CCDC102A: variants seen among roughly 807,000 people sequenced by gnomAD.
The protein encoded by CCDC102A is coiled-coil domain-containing protein 102A.
A neutral mutation model predicts 55.5 loss-of-function variants in CCDC102A; 40 were observed. The observed-to-expected ratio is 0.72, with a 90% CI of 0.56 to 0.94. The LOEUF (loss-of-function observed/expected upper bound fraction) is 0.94. CCDC102A is among the 40% of genes least tolerant of loss of function. The pLI is 0.00. For synonymous variants in CCDC102A, 323 were observed against 339.0 expected (o/e 0.95, Z 0.52); for missense variants, 779 against 768.6 (o/e 1.01, Z -0.16).
Position 57,526,051 on chromosome 16 carries a change from C to T in CCDC102A, c.662G>A (p.Gly221Glu). 1 of 1,593,628 alleles carries T rather than the reference C, an allele frequency of 6.3e-7. No homozygotes were observed. Among genetic ancestry groups the T allele is most frequent in the Non-Finnish European group, 8.5e-7 (1 of 1,172,820 alleles). The change falls in exon 3 of 9, where the codon GGG becomes GAG. Residue 221 changes from glycine to glutamate, a missense_variant. By Grantham distance (98) the Gly-to-Glu change is moderately conservative (BLOSUM62 -2). Coordinates refer to ENST00000258214, the MANE Select transcript of CCDC102A (RefSeq NM_033212.4). ...SEDCWEARSL[G>E]AGGPRGSSGR... The stretch of plus-strand genomic sequence containing the variant: ...TGAGCTGCCCCGCGGGCCCCCAGCC[C>T]CCAGGCTGCGCGCCTCCCAGCAGTC...
In CCDC102A at chr16:57,521,147, T is replaced by C; in HGVS notation, c.842A>G (p.Glu281Gly). The C allele has an allele frequency of 6.2e-7, 1 of 1,613,470 alleles. No homozygotes were observed. The highest frequency in any genetic ancestry group is 1.3e-5 in the African/African-American group (1 of 74,998). The change falls in exon 4 of 9, where the codon GAG becomes GGG. Residue 281 changes from glutamate to glycine, a missense_variant. Glu to Gly is a moderately conservative substitution (Grantham distance 98). Transcript: ENST00000258214. ...CTGGCTGAGCTCCCCCTCTAGCTTC[T>C]CAATGTTCCTGCTCAACGCCAGTTT... ...EDKLALSRNI[E>G]KLEGELSQWK... is the part of the protein sequence containing the mutation.
intron 3 of CCDC102A, among the ~76,000 whole-genome samples, chr16:57,523,647 A>G (rs958745718): frequency 6.9e-6 from 1 of 145,636 alleles, no homozygotes; most frequent in Non-Finnish European, 1.5e-5. Context: ...TTCCCAGCTA[A>G]TTTTTTTTTT....
At chr16:57,518,300 G>T in intron 5 of CCDC102A, 23 bp from the exon 6 acceptor site, 1 of 1,602,122 alleles carries the variant, frequency 6.2e-7, no homozygotes, top group South Asian at 1.1e-5. Context: ...AGGGCAGAGT[G>T]AGGACTCCCA....
intron 4 of CCDC102A, among the ~76,000 whole-genome samples, chr16:57,519,426 G>A (rs959806667): frequency 3.9e-5 from 6 of 152,200 alleles, no homozygotes; most frequent in Non-Finnish European, 5.9e-5. Flanking sequence ...CCTTTGTGTC[G>A]TTGTATGGCC....
At chr16:57,522,183 A>G (rs1043590472) in intron 3 of CCDC102A, among the ~76,000 whole-genome samples, 3 of 152,210 alleles carry the variant, frequency 2.0e-5, no homozygotes, top group South Asian at 4.1e-4. Context: ...ACTAACATAC[A>G]CTGAATTTTC....
intron 6 of CCDC102A, among the ~76,000 whole-genome samples, chr16:57,517,633 T>G (rs2031977385): frequency 6.6e-6 from 1 of 152,218 alleles, no homozygotes; most frequent in Non-Finnish European, 1.5e-5. Context: ...TGTGTGCCAC[T>G]GCGCCTGGCT....
intron 1 of CCDC102A, among the ~76,000 whole-genome samples, chr16:57,532,753 T>A (rs557959073): frequency 1.3e-5 from 2 of 148,204 alleles, no homozygotes; most frequent in Non-Finnish European, 3.0e-5. Context: ...ACACACACAC[T>A]CCTCCTTTTC....
At chr16:57,517,284 T>A (rs1010294832) in intron 6 of CCDC102A, among the ~76,000 whole-genome samples, 4 of 152,128 alleles carry the variant, frequency 2.6e-5, no homozygotes, top group African/African-American at 9.7e-5. Context: ...CTTCTCTCCA[T>A]CCCCTCCCCT....
intron 8 of CCDC102A, among the ~76,000 whole-genome samples, chr16:57,514,602 G>T (rs1206823876): frequency 6.6e-6 from 1 of 152,206 alleles, no homozygotes; most frequent in Non-Finnish European, 1.5e-5. Flanking sequence ...GACACAGAGA[G>T]GTTAAATAAA....
chr16:57,526,104 C>T lies in CCDC102A; in HGVS notation c.609G>A (p.Leu203=), dbSNP rs757128092. 3.4e-5 allele frequency: 53 copies of T among 1,557,080 alleles called. No homozygotes were observed. The East Asian group carries it at 1.2e-3, about 35-fold the overall frequency. ...CAGACTCCTCTGGCATGCTCTTCAG[C>T]AGGCTCTCCACCAGCTCCAGTTCCT... ...GSQELELVES[L]LKSMPEESED... Residue 203 remains leucine (L), a synonymous_variant, in exon 3 of 9, where the codon CTG becomes CTA. Transcript: ENST00000258214.
intron 8 of CCDC102A, 79 bp from the exon 9 acceptor site, chr16:57,512,949 G>GC: frequency 7.7e-7 from 1 of 1,302,498 alleles, no homozygotes; most frequent in Non-Finnish European, 1.1e-6. Context: ...TGGTGCTGGA[G>GC]CAGTTAAGCC....
intron 1 of CCDC102A, among the ~76,000 whole-genome samples, chr16:57,533,308 G>A (rs1420448121): frequency 1.3e-5 from 2 of 152,014 alleles, no homozygotes; most frequent in Non-Finnish European, 2.9e-5. Context: ...GGTCCTCAGG[G>A]GAGTTTTCTG....
chr16:57,515,521 C>A (rs2031941273), intron 7 of CCDC102A, 77 bp from the exon 8 acceptor site: 1 of 865,102 alleles, frequency 1.2e-6, no homozygotes, highest in Non-Finnish European at 1.9e-6. Flanking sequence ...CAGGGAAAAC[C>A]ACTCCTGCTG....
intron 1 of CCDC102A, among the ~76,000 whole-genome samples, chr16:57,535,080 C>A (rs571121383): frequency 6.6e-6 from 1 of 152,308 alleles, no homozygotes; most frequent in East Asian, 1.9e-4. Context: ...AAGCCCATGG[C>A]CACAGGCCTG....
At chr16:57,527,580 C>T (rs1274350506) in intron 2 of CCDC102A, among the ~76,000 whole-genome samples, 3 of 152,090 alleles carry the variant, frequency 2.0e-5, no homozygotes, top group Admixed American at 6.5e-5. Flanking sequence ...CCAGCATGCC[C>T]GACTAATTTT....
chr16:57,524,507 G>T (rs2032101439), intron 3 of CCDC102A, among the ~76,000 whole-genome samples: 1 of 152,100 alleles, frequency 6.6e-6, no homozygotes, highest in Non-Finnish European at 1.5e-5. Flanking sequence ...AACATGGGAG[G>T]CAGAGGTTAC....
At chr16:57,535,849 C>G (rs1439412207) in intron 1 of CCDC102A, among the ~76,000 whole-genome samples, 1 of 152,178 alleles carries the variant, frequency 6.6e-6, no homozygotes, top group Non-Finnish European at 1.5e-5. Context: ...CCAAACCAAT[C>G]CAACCCCCAC....
intron 3 of CCDC102A, among the ~76,000 whole-genome samples, chr16:57,525,165 G>A (rs534885223): frequency 4.6e-5 from 7 of 152,022 alleles, no homozygotes; most frequent in African/African-American, 1.4e-4. Flanking sequence ...GCACAATTCC[G>A]GCTCACTGCA....
intron 1 of CCDC102A, among the ~76,000 whole-genome samples, chr16:57,530,288 C>A (rs1457783062): frequency 1.3e-5 from 2 of 152,192 alleles, no homozygotes; most frequent in African/African-American, 4.8e-5. Context: ...GCCATGCCCC[C>A]CTCCTCCTTA....
Sources: allele counts gnomAD v4.1 joint callset (sites outside exome capture counted in the v4.1 genomes callset), GRCh38; gene constraint gnomAD v4.1.1; transcripts MANE v1.5; gene names NCBI Gene and HGNC (gene_info 2026-07-23, HGNC 2026-07-21).